EVI5L: variants seen among roughly 807,000 people sequenced by gnomAD.
EVI5L encodes the protein EVI5-like protein.
A neutral mutation model predicts 106.1 loss-of-function variants in EVI5L; 30 were observed. The ratio of observed to expected loss-of-function variants is 0.28; its 90% confidence interval spans 0.21 to 0.38. The LOEUF (loss-of-function observed/expected upper bound fraction) is 0.38. Ranked by LOEUF, EVI5L falls within the 10% of genes least tolerant of loss-of-function variation. The pLI is 1.00. For synonymous variants in EVI5L, 489 were observed against 483.3 expected (o/e 1.01, Z -0.15); for missense variants, 809 against 1,098.0 (o/e 0.74, Z 3.72).
At chr19:7,862,077 T>A (rs1338747412) in intron 15 of EVI5L, 45 bp from the exon 16 acceptor site, 33 of 1,546,434 alleles carry the variant, frequency 2.1e-5, no homozygotes, top group Non-Finnish European at 2.7e-5. Context: ...CCCTCGGGGT[T>A]CTTGGGCGGA....
intron 1 of EVI5L, among the ~76,000 whole-genome samples, chr19:7,837,730 C>T (rs1157067891): frequency 6.6e-6 from 1 of 151,140 alleles, no homozygotes; most frequent in Non-Finnish European, 1.5e-5. Context: ...GATGGAGTTT[C>T]GCTCTTGTTG....
intron 2 of EVI5L, among the ~76,000 whole-genome samples, chr19:7,846,924 C>T (rs966931524): frequency 6.6e-6 from 1 of 152,214 alleles, no homozygotes. Context: ...GAATCCGCCG[C>T]GGTTAATGGA....
chr19:7,836,180 T>A (rs962891702), intron 1 of EVI5L, among the ~76,000 whole-genome samples: 32 of 151,386 alleles, frequency 2.1e-4, no homozygotes, highest in African/African-American at 7.5e-4. Context: ...GAGGTTGCAG[T>A]GAGCCAAGAT....
At position 7,863,228 on chromosome 19, in the gene EVI5L, C is replaced by G. The variant is rs1979937942; in HGVS notation, c.2087C>G (p.Ser696Ter). The G allele has an allele frequency of 6.4e-7, 1 of 1,562,570 alleles. No homozygotes were observed. The highest frequency in any genetic ancestry group is 8.7e-7 in the Non-Finnish European group (1 of 1,153,798). ...RIQGQLNHSD[S>*]SQYIRELKDQ... The stretch of plus-strand genomic sequence containing the variant: ...CAGGGCCAGCTGAACCACTCGGACT[C>G]ATCGCAGTACATCCGCGAGCTCAAG... The change falls in exon 19 of 20, where the codon TCA (serine) becomes TGA (stop). Residue 696 changes from serine (S) to a stop codon, truncating the protein, a stop_gained. Transcript: ENST00000538904. LOFTEE classifies it high-confidence loss of function. This position sits in a 1 kb window ranked among gnomAD's most constrained non-coding sequence, Gnocchi z 7.7.
intron 1 of EVI5L, among the ~76,000 whole-genome samples, chr19:7,832,078 CTG>C (rs1978295797): frequency 6.6e-6 from 1 of 152,226 alleles, no homozygotes; most frequent in East Asian, 1.9e-4. Flanking sequence ...ACCCGTGTCC[CTG>C]TGTCTTTCCG....
At position 7,850,935 on chromosome 19, in the gene EVI5L, AGTTCAGG is replaced by A. The variant is rs1979218093; in HGVS notation, c.754-498_754-492del. ...CGTCTGCCACTTTCTGGCTGTCTAGAGTTCAGGCCAATCCAACACAGCTTGCACAAAG... is the reference window on the plus strand; with the variant it reads ...CGTCTGCCACTTTCTGGCTGTCTAGACCAATCCAACACAGCTTGCACAAAG... On this transcript the variant is annotated intron_variant, in intron 6 of 19. Coordinates refer to ENST00000538904, the MANE Select transcript of EVI5L (RefSeq NM_001159944.3). This position sits in a 1 kb window ranked among gnomAD's most constrained non-coding sequence, Gnocchi z 5.4. Among the ~76,000 whole-genome samples the A allele has an allele frequency of 6.6e-6, 1 of 152,090 alleles. No individual in the cohort carries two copies. The highest frequency in any genetic ancestry group is 1.5e-5 in the Non-Finnish European group (1 of 68,010).
rs865786831 is a variant in EVI5L at position 7,840,697 on chromosome 19, G to A, written c.-47-5799G>A. On this transcript the variant is annotated intron_variant, in intron 1 of 19. Transcript: ENST00000538904. Reference sequence around the variant, plus strand: ...ATGGATTGCCTATTCTGGACATTCCGTATAAAGGGAGTCACACAGTGTGTG... The same window carrying A: ...ATGGATTGCCTATTCTGGACATTCCATATAAAGGGAGTCACACAGTGTGTG... Among the ~76,000 whole-genome samples, 48 of 152,020 alleles carry A rather than the reference G, an allele frequency of 3.2e-4. No homozygotes were observed. The Middle Eastern group carries it at 0.01, about 32-fold the overall frequency.
chr19:7,862,946 C>A (rs1341055795), intron 17 of EVI5L, 26 bp from the exon 18 acceptor site: 1 of 1,501,676 alleles, frequency 6.7e-7, no homozygotes. Context: ...ACCCGCCCTC[C>A]TTTCCCCCCA....
At position 7,850,871 on chromosome 19, in the gene EVI5L, C is replaced by T. The variant is rs1040502675; in HGVS notation, c.754-563C>T. Among the ~76,000 whole-genome samples the T allele has an allele frequency of 6.6e-6, 1 of 152,222 alleles. No homozygotes were observed. Among genetic ancestry groups the T allele is most frequent in the African/African-American group, 2.4e-5 (1 of 41,462 alleles). ...GAGCCCCTGGCGCTGGGAGGAAGCC[C>T]GGGATCCTAACGCCTTCTCCGGCCT... On this transcript the variant is annotated intron_variant, in intron 6 of 19. Transcript: ENST00000538904. The surrounding 1 kb of genome is among the most constrained non-coding windows in gnomAD (Gnocchi z 5.4).
At position 7,849,411 on chromosome 19, in the gene EVI5L, G is replaced by A. The variant is rs1381039266; in HGVS notation, c.627+81G>A. On this transcript the variant is annotated intron_variant, in intron 5 of 19. Transcript: ENST00000538904. Reference sequence around the variant, plus strand: ...GGCCCCCAAGAGATGGACAGAAGTGGCGTGTCCTCCACCCAGCGTCTTGCT... The same window carrying A: ...GGCCCCCAAGAGATGGACAGAAGTGACGTGTCCTCCACCCAGCGTCTTGCT... The A allele has an allele frequency of 3.4e-5, 50 of 1,472,546 alleles. No homozygotes were observed. The South Asian group carries it at 4.1e-4, about 12-fold the overall frequency. The allele number at this position is 1,472,546 out of a possible 1,614,324, so 91.2% of individuals were successfully genotyped here.
At position 7,862,182 on chromosome 19, in the gene EVI5L, C is replaced by G; in HGVS notation, c.1705C>G (p.Leu569Val). ...CCCACGGAAGCTGGTCGTGGGCGAGCTGCAGGACGAGCTGATGAGCGTGCG... is the reference window on the plus strand; with the variant it reads ...CCCACGGAAGCTGGTCGTGGGCGAGGTGCAGGACGAGCTGATGAGCGTGCG... ...ESPRKLVVGE[L>V]QDELMSVRLR... The change falls in exon 16 of 20, where the codon CTG (leucine) becomes GTG (valine). Residue 569 changes from leucine to valine, a missense_variant. Coordinates refer to ENST00000538904, the MANE Select transcript of EVI5L (RefSeq NM_001159944.3). 1 of 1,576,910 alleles carries G rather than the reference C, an allele frequency of 6.3e-7. No individual in the cohort carries two copies. The highest frequency in any genetic ancestry group is 8.6e-7 in the Non-Finnish European group (1 of 1,165,220).
intron 13 of EVI5L, among the ~76,000 whole-genome samples, 188 bp from the exon 14 acceptor site, chr19:7,860,373 G>A (rs1348401383): frequency 3.3e-5 from 5 of 152,128 alleles, no homozygotes; most frequent in Non-Finnish European, 7.4e-5. Context: ...AAGCTGGACC[G>A]GGCCAGCTGC....
chr19:7,854,280 TCAAAAAAAAAAAAAAAA>T (rs1979417834), intron 10 of EVI5L, among the ~76,000 whole-genome samples: 1 of 75,246 alleles, frequency 1.3e-5, no homozygotes, highest in Non-Finnish European at 3.1e-5. Context: ...AGACTGTGTC[TCAAAAAAAAAAAAAAAA>T]GAAAAGAAAA....
At position 7,849,127 on chromosome 19, in the gene EVI5L, C is replaced by G; in HGVS notation, c.534C>G (p.Val178=). 6.2e-7 allele frequency: 1 copy of G among 1,610,212 alleles called. No individual in the cohort carries two copies. Among genetic ancestry groups the G allele is most frequent in the Non-Finnish European group, 8.5e-7 (1 of 1,178,224 alleles). The change falls in exon 4 of 20, where the codon GTC becomes GTG. Residue 178 remains valine (V), a synonymous_variant. Transcript: ENST00000538904. ...FKGQDSLGQE[V]LFNVMKAYSL... Reference sequence around the variant, plus strand: ...GCCAGGACAGCCTGGGCCAGGAGGTCCTCTTCAACGTCATGAAGGTGAGGC... The same window carrying G: ...GCCAGGACAGCCTGGGCCAGGAGGTGCTCTTCAACGTCATGAAGGTGAGGC...
Position 7,860,693 on chromosome 19 carries a change from C to T in EVI5L, c.1503+4C>T, listed in dbSNP as rs956798674. 2.5e-6 allele frequency: 4 copies of T among 1,578,484 alleles called. No individual in the cohort carries two copies. The highest frequency in any genetic ancestry group is 1.3e-5 in the African/African-American group (1 of 74,330). ...CAAGGTTCTCGACATGGAAAAGGTG[C>T]AATGGGGAGGCAGACGGGCAGGTGT... On this transcript the variant is annotated splice_donor_region_variant and intron_variant, in intron 14 of 19. Transcript: ENST00000538904.
chr19:7,853,356 G>T lies in EVI5L; in HGVS notation c.1146+23G>T, dbSNP rs193041982. ...AAAGTGAGTCCAGGGGCCCAGGGGC[G>T]GGGACAGGGATGGGAGGCCTTTGGG... On this transcript the variant is annotated intron_variant, in intron 10 of 19. Coordinates refer to ENST00000538904, the MANE Select transcript of EVI5L (RefSeq NM_001159944.3). The T allele has an allele frequency of 2.5e-6, 4 of 1,600,572 alleles. No homozygotes were observed. The African/African-American group carries it at 5.4e-5, about 21-fold the overall frequency.
intron 8 of EVI5L, among the ~76,000 whole-genome samples, chr19:7,852,248 T>G (rs1433479973): frequency 1.3e-5 from 2 of 152,200 alleles, no homozygotes; most frequent in African/African-American, 4.8e-5. Context: ...CCGCTACTTC[T>G]CTGCTGTGCG....
chr19:7,852,196 C>G (rs958642322), intron 8 of EVI5L, among the ~76,000 whole-genome samples: 3 of 152,230 alleles, frequency 2.0e-5, no homozygotes, highest in Non-Finnish European at 2.9e-5. Flanking sequence ...CGCCCCAGCC[C>G]GGCCTGCCTG....
chr19:7,859,676 G>C (rs1979705337), intron 13 of EVI5L, among the ~76,000 whole-genome samples: 2 of 152,240 alleles, frequency 1.3e-5, no homozygotes, highest in South Asian at 4.1e-4. Flanking sequence ...CACTGCATGA[G>C]GCCGCCTTTC....
Sources: allele counts gnomAD v4.1 joint callset (sites outside exome capture counted in the v4.1 genomes callset), GRCh38; gene constraint gnomAD v4.1.1; non-coding constraint Gnocchi (gnomAD v3.1); transcripts MANE v1.5; gene names NCBI Gene and HGNC (gene_info 2026-07-23, HGNC 2026-07-21).